The following GOPC variants were observed in gnomAD, a reference collection of about 807,000 sequenced individuals.
The protein encoded by GOPC is Golgi-associated PDZ and coiled-coil motif-containing protein.
In GOPC, 32 loss-of-function variants were observed where a neutral mutation model predicts 51.2. That is an observed-to-expected ratio of 0.63 (90% confidence interval 0.47 to 0.84). The LOEUF is 0.84. Among genes scored for constraint, GOPC ranks in the 40% least tolerant of loss-of-function variants. GOPC has a pLI of 0.00. For missense variants in GOPC, 441 were observed against 555.5 expected, an observed-to-expected ratio of 0.79 and a Z score of 2.07; for synonymous variants, 190 against 205.1, an observed-to-expected ratio of 0.93 and a Z score of 0.63.
At chr6:117,587,053 A>C (rs910099596) in intron 1 of GOPC, among the ~76,000 whole-genome samples, 9 of 152,232 alleles carry the variant, frequency 5.9e-5, no homozygotes, top group Non-Finnish European at 1.0e-4. Context: ...ATATATTCAA[A>C]GGTCAAATTG....
At chr6:117,563,431 G>T in intron 8 of GOPC, 47 bp from the exon 9 acceptor site, 1 of 1,601,792 alleles carries the variant, frequency 6.2e-7, no homozygotes, top group Non-Finnish European at 8.5e-7. Context: ...GGTTTAAAAA[G>T]TTGGTTTTGG....
rs564884440 is a variant in GOPC, at chr6:117,563,700, T to C, written c.1259-316A>G. On this transcript the variant is annotated intron_variant, in intron 8 of 8. Coordinates refer to ENST00000368498, the MANE Select transcript of GOPC (RefSeq NM_020399.4). Reference sequence around the variant, plus strand: ...TCGTACCACCGCACTCTAGCCTGGGTGACAGAGTGAAACTCTGTCTCGATT... The same window carrying C: ...TCGTACCACCGCACTCTAGCCTGGGCGACAGAGTGAAACTCTGTCTCGATT... Among the ~76,000 whole-genome samples, 6 of 150,698 alleles carry C rather than the reference T, an allele frequency of 4.0e-5. No individual in the cohort carries two copies. In the South Asian group the frequency reaches 1.3e-3, roughly 32 times the overall value.
At chr6:117,567,525 A>G (rs1358348411) in intron 7 of GOPC, among the ~76,000 whole-genome samples, 2 of 152,170 alleles carry the variant, frequency 1.3e-5, no homozygotes, top group East Asian at 3.8e-4. Flanking sequence ...TTCTTAACTA[A>G]TTCAAGAAAC....
intron 1 of GOPC, among the ~76,000 whole-genome samples, chr6:117,590,885 C>T (rs780639703): frequency 2.6e-5 from 4 of 152,028 alleles, no homozygotes; most frequent in Non-Finnish European, 4.4e-5. Flanking sequence ...AGGAGTCTCA[C>T]GCCGTTGCCC....
intron 1 of GOPC, among the ~76,000 whole-genome samples, chr6:117,596,060 ATTTT>A (rs142750818): frequency 6.6e-6 from 1 of 150,906 alleles, no homozygotes; most frequent in African/African-American, 2.4e-5. Flanking sequence ...GCCAACATCT[ATTTT>A]TTTTTATTTT....
At chr6:117,586,996 A>C (rs1487810856) in intron 1 of GOPC, among the ~76,000 whole-genome samples, 1 of 152,156 alleles carries the variant, frequency 6.6e-6, no homozygotes, top group Non-Finnish European at 1.5e-5. Context: ...AATCACAGAA[A>C]TCTAATGAGT....
At position 117,560,358 on chromosome 6, in the gene GOPC, T is replaced by TA. The variant is rs1405968076; in HGVS notation, c.*2895dup. 5.5e-6 allele frequency: 1 copy of TA among 181,384 alleles called. No individual in the cohort carries two copies. Among genetic ancestry groups the TA allele is most frequent in the African/African-American group, 2.4e-5 (1 of 42,538 alleles). The allele number at this position is 181,384 out of a possible 1,614,324, so 11.2% of individuals were successfully genotyped here. A position where few individuals can be genotyped will look rare whatever the true frequency, so the allele number is the denominator to read the frequency against. ...GATGCCATCTTTATTTACAGGCTAA[T>TA]AAAAAAATATTAAACTCAACTAGAT... On this transcript the variant is annotated 3_prime_UTR_variant, in exon 9 of 9. Transcript: ENST00000368498.
chr6:117,582,236 C>T (rs952231001), intron 1 of GOPC, among the ~76,000 whole-genome samples: 4 of 149,616 alleles, frequency 2.7e-5, no homozygotes, highest in African/African-American at 9.9e-5. Context: ...CTCTCTCTCT[C>T]TCTCACTCTC....
At chr6:117,580,962 A>C (rs1438813653) in intron 1 of GOPC, among the ~76,000 whole-genome samples, 1 of 152,176 alleles carries the variant, frequency 6.6e-6, no homozygotes, top group Non-Finnish European at 1.5e-5. Context: ...AAGTATTTCC[A>C]GTTTTGAGAA....
chr6:117,587,799 G>C (rs150565891), intron 1 of GOPC, among the ~76,000 whole-genome samples: 2,185 of 152,120 alleles, frequency 0.014, 53 homozygotes, highest in African/African-American at 0.049. Context: ...CAATGCAGTG[G>C]CACCAAGCTC....
chr6:117,565,064 T>C (rs210637), intron 8 of GOPC, among the ~76,000 whole-genome samples: 69,866 of 151,918 alleles, frequency 0.46, 16,854 homozygotes, highest in South Asian at 0.63. Context: ...GTAGGTAAAA[T>C]TGAAAAATCT....
chr6:117,569,840 C>G, intron 6 of GOPC, 104 bp from the exon 7 acceptor site: 1 of 1,230,842 alleles, frequency 8.1e-7, no homozygotes, highest in African/African-American at 1.6e-5. Context: ...TCATTAAACA[C>G]CTATGCTGTC....
chr6:117,565,808 G>A (rs530194797), intron 8 of GOPC, among the ~76,000 whole-genome samples: 3 of 152,206 alleles, frequency 2.0e-5, no homozygotes, highest in South Asian at 2.1e-4. Context: ...CAAATAGTCC[G>A]AAAATCCATA....
intron 5 of GOPC, 31 bp from the exon 6 acceptor site, chr6:117,570,986 G>T: frequency 8.5e-7 from 1 of 1,170,366 alleles, no homozygotes; most frequent in Non-Finnish European, 1.3e-6. Context: ...AGAAAAAGTA[G>T]TATCATTTAA....
chr6:117,601,430 G>GT (rs1449537212), intron 1 of GOPC, among the ~76,000 whole-genome samples: 1 of 152,062 alleles, frequency 6.6e-6, no homozygotes, highest in Admixed American at 6.5e-5. Flanking sequence ...CTCTCTGGAG[G>GT]TATCTGCCTG....
chr6:117,601,903 G>T, intron 1 of GOPC, 101 bp downstream of exon 1: 1 of 1,285,056 alleles, frequency 7.8e-7, no homozygotes, highest in Non-Finnish European at 1.1e-6. Context: ...AAGCCCCGGT[G>T]GGCAGTTTTC....
intron 1 of GOPC, among the ~76,000 whole-genome samples, chr6:117,591,328 T>C (rs1385653926): frequency 1.3e-5 from 2 of 152,226 alleles, no homozygotes; most frequent in Non-Finnish European, 2.9e-5. Context: ...AAAAAGATAA[T>C]GCTGCCTTCT....
chr6:117,581,160 A>T (rs1411495521), intron 1 of GOPC, among the ~76,000 whole-genome samples: 3 of 152,222 alleles, frequency 2.0e-5, no homozygotes, highest in African/African-American at 7.2e-5. Context: ...GATCTGGATT[A>T]ACACTAGGAG....
chr6:117,598,732 CCTG>C (rs1771931572), intron 1 of GOPC, among the ~76,000 whole-genome samples: 1 of 152,184 alleles, frequency 6.6e-6, no homozygotes, highest in Non-Finnish European at 1.5e-5. Context: ...CTGCTCACCT[CCTG>C]CTGTTCAGCC....
Sources: gnomAD v4.1 joint callset for allele counts (sites outside exome capture counted in the v4.1 genomes callset) on GRCh38, gnomAD v4.1.1 for gene constraint, MANE v1.5 for transcripts, NCBI Gene and HGNC (gene_info 2026-07-23, HGNC 2026-07-21) for gene names.